The following CHIA variants were observed in gnomAD, a reference collection of about 807,000 sequenced individuals.
CHIA encodes chitinase acidic.
CHIA carries 47 observed loss-of-function variants against 53.5 expected under a neutral mutation model. The ratio of observed to expected loss-of-function variants is 0.88; its 90% CI spans 0.70 to 1.12. CHIA has a LOEUF of 1.12. Among genes scored for constraint, CHIA ranks in the 50% most tolerant of loss-of-function variants. The probability of loss-of-function intolerance (pLI) is 0.00; values close to 1 mark genes in which losing one functional copy is unlikely to be tolerated. For synonymous variants in CHIA, 268 were observed against 222.2 expected, an observed-to-expected ratio of 1.21 and a Z score of -1.83; for missense variants, 652 against 592.2, an observed-to-expected ratio of 1.10 and a Z score of -1.05.
rs1358336317 is a variant in CHIA at position 111,317,594 on chromosome 1, G to A, written c.481-87G>A. 3.5e-6 allele frequency: 5 copies of A among 1,442,558 alleles called. No individual in the cohort carries two copies. In the African/African-American group the frequency reaches 4.2e-5, roughly 12 times the overall value. The allele number at this position is 1,442,558 out of a possible 1,614,324, so 89.4% of individuals were successfully genotyped here. ...TGTGAAAGCAATTTAAGAGAGAGAA[G>A]CATTATACAGACATATGTTTATTAG... On this transcript the variant is annotated intron_variant, in intron 6 of 11. Coordinates refer to ENST00000369740, the MANE Select transcript of CHIA (RefSeq NM_201653.4).
At chr1:111,311,639 A>G (rs1648679805) in intron 2 of CHIA, 50 bp from the exon 3 acceptor site, 3 of 1,602,646 alleles carry the variant, frequency 1.9e-6, no homozygotes, top group Non-Finnish European at 2.6e-6. Context: ...ATTAGATTCT[A>G]CGGGGTACAG....
chr1:111,315,417 C>T lies in CHIA; in HGVS notation c.462C>T (p.Leu154=), dbSNP rs1342210850. The change falls in exon 6 of 12, where the codon CTC becomes CTT. Residue 154 remains leucine, a synonymous_variant. Transcript: ENST00000369740. The part of the protein sequence containing the change: ...SRGSPPQDKH[L]FTVLVQEMRE... ...GGAGCCCTCCTCAGGACAAGCATCT[C>T]TTCACTGTCCTGGTGCAGGTGGGGA... The T allele has an allele frequency of 3.1e-6, 5 of 1,613,900 alleles. No individual in the cohort carries two copies. The South Asian group carries it at 5.5e-5, about 18-fold the overall frequency.
At chr1:111,302,231 G>A (rs1647816141) in intron 1 of CHIA, among the ~76,000 whole-genome samples, 1 of 151,748 alleles carries the variant, frequency 6.6e-6, no homozygotes, top group East Asian at 1.9e-4. Flanking sequence ...TTTCTCTATT[G>A]TTTTACTATT....
In CHIA at chr1:111,297,146, A is replaced by T. The variant is rs757462605; in HGVS notation, c.-69+6196A>T. On this transcript the variant is annotated intron_variant, in intron 1 of 11. Transcript: ENST00000369740. ...GGAGAATGGAACCATGTTGGAAAAC[A>T]CTCTGCAGGATATTATCCAGGAGAA... 3.3e-5 allele frequency among the ~76,000 whole-genome samples: 5 copies of T among 152,184 alleles called. No homozygotes were observed. In the South Asian group the frequency reaches 6.2e-4, roughly 19 times the overall value.
In CHIA at chr1:111,319,449, C is replaced by T. The variant is rs772412644; in HGVS notation, c.1158C>T (p.Ala386=). 6.2e-7 allele frequency: 1 copy of T among 1,613,870 alleles called. No individual in the cohort carries two copies. Among genetic ancestry groups the T allele is most frequent in the African/African-American group, 1.3e-5 (1 of 74,918 alleles). Residue 386 remains alanine, a synonymous_variant, in exon 11 of 12, where the codon GCC becomes GCT. Transcript: ENST00000369740. ...CCCTAATCTCCACCCTGAAGAAGGC[C>T]CTCGGCCTGCAGAGTGCAAGTAAGT... The part of the protein sequence containing the change: ...KFPLISTLKK[A]LGLQSASCTA...
chr1:111,317,827 C>T (rs139594728), intron 7 of CHIA, 22 bp downstream of exon 7: 26 of 1,613,812 alleles, frequency 1.6e-5, no homozygotes, highest in Non-Finnish European at 2.1e-5. Flanking sequence ...GCCTTATCTT[C>T]AAACTCCTGG....
intron 1 of CHIA, among the ~76,000 whole-genome samples, chr1:111,306,144 AT>A (rs1047869706): frequency 1.3e-5 from 2 of 152,198 alleles, no homozygotes; most frequent in Non-Finnish European, 2.9e-5. Flanking sequence ...GAAGATTTTC[AT>A]TTTTTCCAAT....
At chr1:111,309,633 T>A (rs7545065) in intron 1 of CHIA, among the ~76,000 whole-genome samples, 20,085 of 152,212 alleles carry the variant, frequency 0.13, 1,539 homozygotes, top group African/African-American at 0.19. Context: ...CAAAGAATAG[T>A]CCTTTGGCCA....
At chr1:111,313,697 T>A (rs1159531070) in intron 4 of CHIA, among the ~76,000 whole-genome samples, 1 of 152,200 alleles carries the variant, frequency 6.6e-6, no homozygotes, top group Non-Finnish European at 1.5e-5. Context: ...CACTTTCCAG[T>A]CATATCCAAA....
chr1:111,296,164 C>T (rs889618639), intron 1 of CHIA, among the ~76,000 whole-genome samples: 12 of 152,216 alleles, frequency 7.9e-5, no homozygotes, highest in South Asian at 2.1e-4. Context: ...CAGAAACTTC[C>T]GCAGACTTAA....
chr1:111,309,804 C>T (rs1648515321), intron 1 of CHIA, among the ~76,000 whole-genome samples: 1 of 152,160 alleles, frequency 6.6e-6, no homozygotes, highest in Non-Finnish European at 1.5e-5. Flanking sequence ...ATTAGCAACG[C>T]AGTTTTTAGG....
intron 1 of CHIA, among the ~76,000 whole-genome samples, chr1:111,297,982 C>A (rs1281550850): frequency 1.5e-5 from 2 of 137,522 alleles, no homozygotes; most frequent in Non-Finnish European, 3.1e-5. Context: ...CAGCAAAAAT[C>A]AAAAGAGACA....
At chr1:111,318,299 T>C (rs1649339603) in intron 8 of CHIA, among the ~76,000 whole-genome samples, 190 bp downstream of exon 8, 1 of 152,220 alleles carries the variant, frequency 6.6e-6, no homozygotes, top group Admixed American at 6.5e-5. Flanking sequence ...ATTCTGCAAG[T>C]GTCTCACTTA....
At chr1:111,292,801 G>A (rs1661105942) in intron 1 of CHIA, among the ~76,000 whole-genome samples, 1 of 151,988 alleles carries the variant, frequency 6.6e-6, no homozygotes, top group South Asian at 2.1e-4. Context: ...CCATGATTTT[G>A]ACTATTCTAA....
intron 1 of CHIA, among the ~76,000 whole-genome samples, chr1:111,291,210 A>T (rs905913658): frequency 1.3e-5 from 2 of 152,180 alleles, no homozygotes; most frequent in African/African-American, 2.4e-5. Flanking sequence ...ACACATGCAC[A>T]CGTATGGTTA....
chr1:111,313,053 T>C (rs182409335), intron 4 of CHIA, among the ~76,000 whole-genome samples: 37 of 152,290 alleles, frequency 2.4e-4, no homozygotes, highest in African/African-American at 8.7e-4. Context: ...CATTCATCCA[T>C]TGAGGGGCAC....
At chr1:111,312,520 T>G in intron 4 of CHIA, 129 bp downstream of exon 4, 1 of 751,242 alleles carries the variant, frequency 1.3e-6, no homozygotes. Flanking sequence ...TCATTTTTCT[T>G]TTATAACTGA....
At chr1:111,301,705 CAAAAAAAAAAA>C (rs35562130) in intron 1 of CHIA, among the ~76,000 whole-genome samples, 1 of 105,476 alleles carries the variant, frequency 9.5e-6, no homozygotes, top group Non-Finnish European at 1.9e-5. Flanking sequence ...ACTCTCTCTC[CAAAAAAAAAAA>C]AAAAAAAAAA....
chr1:111,306,696 G>A lies in CHIA; in HGVS notation c.-68-3704G>A, dbSNP rs540949262. On this transcript the variant is annotated intron_variant, in intron 1 of 11. Transcript: ENST00000369740. Reference sequence around the variant, plus strand: ...GTTGGAAAAGATATGTTCAATGCACGTAACTGAAAAATAATTACAATCCAG... The same window carrying A: ...GTTGGAAAAGATATGTTCAATGCACATAACTGAAAAATAATTACAATCCAG... 3.3e-5 allele frequency among the ~76,000 whole-genome samples: 5 copies of A among 152,212 alleles called. No homozygotes were observed. The East Asian group carries it at 5.8e-4, about 18-fold the overall frequency.
Sources: gnomAD v4.1 joint callset for allele counts (sites outside exome capture counted in the v4.1 genomes callset) on GRCh38, gnomAD v4.1.1 for gene constraint, MANE v1.5 for transcripts, NCBI Gene and HGNC (gene_info 2026-07-23, HGNC 2026-07-21) for gene names.